Variants in CYB561 observed in about 807,000 individuals in gnomAD.
CYB561 encodes transmembrane ascorbate-dependent reductase CYB561.
Under a neutral mutation model 25.3 loss-of-function variants are expected in CYB561, and 11 were observed. The ratio of observed to expected loss-of-function variants is 0.44; its 90% CI spans 0.27 to 0.72. The LOEUF (loss-of-function observed/expected upper bound fraction) is 0.72, where lower values mean the gene tolerates loss of function less well. Ranked by LOEUF, CYB561 falls within the 30% of genes least tolerant of loss-of-function variation. The pLI, the probability that CYB561 is intolerant of heterozygous loss-of-function variation, is 0.18. For synonymous variants in CYB561, 165 were observed against 158.8 expected (o/e 1.04, Z -0.29); for missense variants, 295 against 334.9 (o/e 0.88, Z 0.93).
chr17:63,435,297 C>T (rs2049284198), intron 4 of CYB561, 54 bp from the exon 5 acceptor site: 1 of 1,584,082 alleles, frequency 6.3e-7, no homozygotes, highest in Non-Finnish European at 8.6e-7. Context: ...ACCCCAGCAG[C>T]CGAGGTCGGC....
rs929136631 is a variant in CYB561, at chr17:63,446,255, C to G, written c.-24G>C. On this transcript the variant is annotated 5_prime_UTR_variant, in exon 1 of 6. Coordinates refer to ENST00000360793, the MANE Select transcript of CYB561 (RefSeq NM_001915.4). ...AGCCCGGCCTCCTACCTTGCCTACC[C>G]GAGCGTCCCTTCAGCCTCCCCGCGC... 6.6e-6 allele frequency: 1 copy of G among 151,988 alleles called. No homozygotes were observed. Among genetic ancestry groups the G allele is most frequent in the Non-Finnish European group, 1.5e-5 (1 of 67,998 alleles). 9.4% of individuals were successfully genotyped at this position (151,988 alleles called of 1,614,324 possible).
At chr17:63,435,596 G>C in intron 4 of CYB561, 92 bp downstream of exon 4, 1 of 1,018,548 alleles carries the variant, frequency 9.8e-7, no homozygotes, top group East Asian at 2.5e-5. Flanking sequence ...CAGAAATCAG[G>C]CCCTTCCATG....
At position 63,433,697 on chromosome 17, in the gene CYB561, GGGA is replaced by G; in HGVS notation, c.*702_*704del. 1 of 315,548 alleles carries G rather than the reference GGGA, an allele frequency of 3.2e-6. No homozygotes were observed. The allele number at this position is 315,548 out of a possible 1,614,324, so 19.5% of individuals were successfully genotyped here. A position where few individuals can be genotyped will look rare whatever the true frequency, so the allele number is the denominator to read the frequency against. ...CCAACCCCCATGTCTGGAGCAGCCTGGGAGGAGGCCCGCCTGCATCTGCCAAGA... is the reference window on the plus strand; with the variant it reads ...CCAACCCCCATGTCTGGAGCAGCCTGGGAGGCCCGCCTGCATCTGCCAAGA... On this transcript the variant is annotated 3_prime_UTR_variant, in exon 6 of 6. Transcript: ENST00000360793.
At position 63,434,374 on chromosome 17, in the gene CYB561, C is replaced by A; in HGVS notation, c.*28G>T. On this transcript the variant is annotated 3_prime_UTR_variant, in exon 6 of 6. Transcript: ENST00000360793. ...AGCAGGGGCAGGCAAGAAGACACCC[C>A]GCGAACCCCCAGGGCCGGCCGGGCG... 6.6e-7 allele frequency: 1 copy of A among 1,514,938 alleles called. No homozygotes were observed. The allele number at this position is 1,514,938 out of a possible 1,614,324, so 93.8% of individuals were successfully genotyped here.
chr17:63,446,590 C>T (rs528871768), upstream of CYB561, among the ~76,000 whole-genome samples: 4 of 152,206 alleles, frequency 2.6e-5, no homozygotes, highest in South Asian at 4.2e-4. Context: ...CTCCCCCGGG[C>T]CTGCCTCGAG....
rs184353965 is a variant in CYB561 at position 63,439,563 on chromosome 17, G to A, written c.-13-2003C>T. Among the ~76,000 whole-genome samples, 68 of 151,980 alleles carry A rather than the reference G, an allele frequency of 4.5e-4. No individual in the cohort carries two copies. In the East Asian group the frequency reaches 0.012, roughly 28 times the overall value. On this transcript the variant is annotated intron_variant, in intron 1 of 5. Transcript: ENST00000360793. ...AAATTTTTTTTAATTAAAAAAAAAA[G>A]GGTGTGTGTGTGTGCTAATAATCCA...
Position 63,435,259 on chromosome 17 carries a change from A to G in CYB561, c.406-16T>C. On this transcript the variant is annotated splice_polypyrimidine_tract_variant and intron_variant, in intron 4 of 5. Coordinates refer to ENST00000360793, the MANE Select transcript of CYB561 (RefSeq NM_001915.4). The stretch of plus-strand genomic sequence containing the variant: ...CCACCAGCCACTAGGATTTGAAAGG[A>G]GACGGTTCCGGGACAGGGCGGCCGG... 6.2e-7 allele frequency: 1 copy of G among 1,612,270 alleles called. No individual in the cohort carries two copies. Among genetic ancestry groups the G allele is most frequent in the Non-Finnish European group, 8.5e-7 (1 of 1,179,144 alleles).
intron 2 of CYB561, chr17:63,437,091 G>A (rs2049310794): frequency 1.9e-6 from 1 of 532,104 alleles, no homozygotes; most frequent in African/African-American, 1.9e-5. Context: ...TGCAAGAAGT[G>A]CCCGCCTTGG....
Position 63,436,998 on chromosome 17 carries a change from TCA to T in CYB561, c.202+346_202+347del, listed in dbSNP as rs571059511. On this transcript the variant is annotated intron_variant, in intron 2 of 5. Transcript: ENST00000360793. This position sits in a 1 kb window ranked among gnomAD's most constrained non-coding sequence, Gnocchi z 4.8. Reference sequence around the variant, plus strand: ...CGCACGCACGCACGCATACAAACTCTCACATATGATTACTTTTTTTCCCTCAA... The same window carrying T: ...CGCACGCACGCACGCATACAAACTCTCATATGATTACTTTTTTTCCCTCAA... 474 of 335,290 alleles carry T rather than the reference TCA, an allele frequency of 1.4e-3. 3 individuals are homozygous for T. Among genetic ancestry groups the T allele is most frequent in the Non-Finnish European group, 2.2e-3 (400 of 179,324 alleles). 20.8% of individuals were successfully genotyped at this position (335,290 alleles called of 1,614,324 possible). A position where few individuals can be genotyped will look rare whatever the true frequency, so the allele number is the denominator to read the frequency against.
chr17:63,435,457 A>T lies in CYB561; in HGVS notation c.406-214T>A. On this transcript the variant is annotated intron_variant, in intron 4 of 5. Coordinates refer to ENST00000360793, the MANE Select transcript of CYB561 (RefSeq NM_001915.4). ...CGCTTGAGGCCTTGGCACACTCAGA[A>T]AGCTGGGCTTGTGGCCAAAAGTGCT... 7.3e-6 allele frequency: 5 copies of T among 682,892 alleles called. No homozygotes were observed. In the South Asian group the frequency reaches 9.5e-5, roughly 13 times the overall value. 42.3% of individuals were successfully genotyped at this position (682,892 alleles called of 1,614,324 possible).
chr17:63,444,415 G>C (rs1318905220), intron 1 of CYB561, among the ~76,000 whole-genome samples: 1 of 152,210 alleles, frequency 6.6e-6, no homozygotes, highest in Non-Finnish European at 1.5e-5. Flanking sequence ...GAACACAGAA[G>C]GAGTAAGTGG....
At chr17:63,439,978 G>A (rs573735033) in intron 1 of CYB561, among the ~76,000 whole-genome samples, 1 of 152,262 alleles carries the variant, frequency 6.6e-6, no homozygotes, top group East Asian at 1.9e-4. Context: ...TTAGACTTCT[G>A]ACACATTCCA....
chr17:63,444,000 T>C (rs946467437), intron 1 of CYB561, among the ~76,000 whole-genome samples: 1 of 146,232 alleles, frequency 6.8e-6, no homozygotes, highest in Non-Finnish European at 1.5e-5. Context: ...TTGTAAAATA[T>C]AATTTTTATT....
At position 63,433,789 on chromosome 17, in the gene CYB561, G is replaced by C; in HGVS notation, c.*613C>G. ...CCACCAAAGCCATCCTAGGGCTAAAGGGTTAAAGAAGAGGAAGGTCAGGAC... is the reference window on the plus strand; with the variant it reads ...CCACCAAAGCCATCCTAGGGCTAAACGGTTAAAGAAGAGGAAGGTCAGGAC... On this transcript the variant is annotated 3_prime_UTR_variant, in exon 6 of 6. Coordinates refer to ENST00000360793, the MANE Select transcript of CYB561 (RefSeq NM_001915.4). The C allele has an allele frequency of 5.2e-6, 1 of 190,740 alleles. No homozygotes were observed. The highest frequency in any genetic ancestry group is 1.3e-4 in the East Asian group (1 of 7,910). The allele number at this position is 190,740 out of a possible 1,614,324, so 11.8% of individuals were successfully genotyped here. A position where few individuals can be genotyped will look rare whatever the true frequency, so the allele number is the denominator to read the frequency against.
chr17:63,437,980 C>CCCCCCCCCAGG, intron 1 of CYB561: 6 of 749,650 alleles, frequency 8.0e-6, no homozygotes, highest in South Asian at 3.6e-5. Context: ...GCCCCGCCAC[C>CCCCCCCCCAGG]CTCCCCCGAG....
At chr17:63,440,679 G>T (rs1324780317) in intron 1 of CYB561, 1 of 160,956 alleles carries the variant, frequency 6.2e-6, no homozygotes, top group East Asian at 1.8e-4. Flanking sequence ...CTCAGGCACC[G>T]CGGTGCGCAG....
chr17:63,435,098 A>C lies in CYB561; in HGVS notation c.551T>G (p.Leu184Arg), dbSNP rs759366316. 1.2e-6 allele frequency: 2 copies of C among 1,613,718 alleles called. No homozygotes were observed. The highest frequency in any genetic ancestry group is 2.2e-5 in the South Asian group (2 of 91,058). The change falls in exon 5 of 6, where the codon CTG becomes CGG. Residue 184 changes from leucine (L) to arginine (R), a missense_variant. Transcript: ENST00000360793. ...TALLGLKEAL[L>R]FNLGGKYSAF... is the part of the protein sequence containing the mutation. ...CCAGGACACTCACCCGAGGTTGAACAGCAGTGCCTCCTTCAGGCCCAGCAG... is the reference window on the plus strand; with the variant it reads ...CCAGGACACTCACCCGAGGTTGAACCGCAGTGCCTCCTTCAGGCCCAGCAG...
At chr17:63,435,047 G>A (rs2049279165) in intron 5 of CYB561, 39 bp downstream of exon 5, 1 of 1,592,860 alleles carries the variant, frequency 6.3e-7, no homozygotes, top group Non-Finnish European at 8.5e-7. Context: ...CTGTGCAAGG[G>A]TGGCCCAGGC....
At chr17:63,437,072 T>A (rs374447475) in intron 2 of CYB561, 10 of 514,964 alleles carry the variant, frequency 1.9e-5, no homozygotes, top group African/African-American at 9.5e-5. Flanking sequence ...CTCATTCCTT[T>A]CCCTCTGCTG....
Sources: allele counts gnomAD v4.1 joint callset (sites outside exome capture counted in the v4.1 genomes callset), GRCh38; gene constraint gnomAD v4.1.1; non-coding constraint Gnocchi (gnomAD v3.1); transcripts MANE v1.5; gene names NCBI Gene and HGNC (gene_info 2026-07-23, HGNC 2026-07-21).